DIPK1A: variants seen among roughly 807,000 people sequenced by gnomAD.
DIPK1A encodes the protein divergent protein kinase domain 1A.
In DIPK1A, 27 loss-of-function variants were observed where a neutral mutation model predicts 40.8. That is an observed-to-expected ratio of 0.66 (90% confidence interval 0.49 to 0.91). The LOEUF (loss-of-function observed/expected upper bound fraction) is 0.91. Among genes scored for constraint, DIPK1A ranks in the 40% least tolerant of loss-of-function variants. The pLI, the probability that DIPK1A is intolerant of heterozygous loss-of-function variation, is 0.00. For missense variants in DIPK1A, 412 were observed against 505.7 expected (o/e 0.81, Z 1.78); for synonymous variants, 166 against 171.3 (o/e 0.97, Z 0.24).
chr1:92,957,224 C>A (rs138792418), intron 1 of DIPK1A, among the ~76,000 whole-genome samples: 1 of 152,128 alleles, frequency 6.6e-6, no homozygotes, highest in Non-Finnish European at 1.5e-5. Flanking sequence ...TAAAAAAAGA[C>A]AAATGCAGGT....
chr1:92,832,988 C>T, exon 5 of DIPK1A: 1 of 733,954 alleles, frequency 1.4e-6, no homozygotes, highest in Non-Finnish European at 2.5e-6. Context: ...TGATTGCTGT[C>T]TGGAGCAGTG....
intron 2 of DIPK1A, among the ~76,000 whole-genome samples, chr1:92,858,285 T>C (rs1354188484): frequency 2.0e-5 from 3 of 152,202 alleles, no homozygotes; most frequent in Non-Finnish European, 2.9e-5. Context: ...ATAATCATCT[T>C]GGGAGTTTAT....
intron 1 of DIPK1A, among the ~76,000 whole-genome samples, chr1:92,926,373 A>G (rs775319744): frequency 4.6e-5 from 7 of 152,248 alleles, no homozygotes; most frequent in Non-Finnish European, 1.0e-4. Flanking sequence ...ATCAGAAAAC[A>G]TACTCTGTTA....
At chr1:92,906,870 A>G (rs1268363290) in intron 1 of DIPK1A, among the ~76,000 whole-genome samples, 1 of 152,208 alleles carries the variant, frequency 6.6e-6, no homozygotes, top group Admixed American at 6.5e-5. Context: ...ATCTTTAAAG[A>G]TTGTACCTCT....
chr1:92,922,142 C>T (rs890387090), intron 1 of DIPK1A, among the ~76,000 whole-genome samples: 2 of 151,804 alleles, frequency 1.3e-5, no homozygotes, highest in East Asian at 1.9e-4. Flanking sequence ...TTTTGGCTTT[C>T]GTTTCACTAT....
Position 92,836,300 on chromosome 1 carries a change from T to C in DIPK1A, c.475-3266A>G, listed in dbSNP as rs188046229. ...GTCAGCCAGGTGCCTTCACCTGCTA[T>C]TTGGATGCAGGCCTTGCCAGAACTA... On this transcript the variant is annotated intron_variant, in intron 4 of 4. Transcript: ENST00000615519. 24 of 1,614,154 alleles carry C rather than the reference T, an allele frequency of 1.5e-5. No homozygotes were observed. In the East Asian group the frequency reaches 4.9e-4, roughly 33 times the overall value.
At chr1:92,949,442 T>G (rs892234620) in intron 1 of DIPK1A, among the ~76,000 whole-genome samples, 3 of 151,652 alleles carry the variant, frequency 2.0e-5, no homozygotes, top group Non-Finnish European at 4.4e-5. Context: ...ACCTAGCTAA[T>G]TTTTTTGTAT....
intron 4 of DIPK1A, among the ~76,000 whole-genome samples, chr1:92,844,977 C>T (rs1158069767): frequency 8.4e-5 from 11 of 131,350 alleles, no homozygotes. Flanking sequence ...CGGAGTCTCG[C>T]TCTTTCGCCC....
chr1:92,885,377 A>AT (rs1221038354), intron 1 of DIPK1A, among the ~76,000 whole-genome samples: 42 of 149,358 alleles, frequency 2.8e-4, no homozygotes, highest in Middle Eastern at 3.4e-3. Context: ...TATCTAATTC[A>AT]TTTTTTTTTT....
intron 2 of DIPK1A, among the ~76,000 whole-genome samples, chr1:92,872,915 C>A (rs748761951): frequency 6.6e-6 from 1 of 152,186 alleles, no homozygotes; most frequent in Non-Finnish European, 1.5e-5. Flanking sequence ...TCTGCAGAGC[C>A]CCGGGAATTG....
intron 2 of DIPK1A, among the ~76,000 whole-genome samples, chr1:92,861,926 C>T (rs1172396379): frequency 3.3e-5 from 5 of 152,094 alleles, no homozygotes; most frequent in Non-Finnish European, 5.9e-5. Flanking sequence ...ACTATAGGCA[C>T]GCACTACCAC....
At chr1:92,952,157 G>A (rs1244513828) in intron 1 of DIPK1A, among the ~76,000 whole-genome samples, 3 of 151,392 alleles carry the variant, frequency 2.0e-5, no homozygotes, top group African/African-American at 7.3e-5. Context: ...TAGAGCCCAT[G>A]GATGCTGCTA....
At chr1:92,939,057 C>T (rs999650527) in intron 1 of DIPK1A, among the ~76,000 whole-genome samples, 5 of 152,038 alleles carry the variant, frequency 3.3e-5, no homozygotes, top group African/African-American at 7.2e-5. Context: ...CCCGCCACCA[C>T]GCCTGGCTAA....
At chr1:92,874,782 T>C (rs573609091) in intron 2 of DIPK1A, among the ~76,000 whole-genome samples, 64 of 152,266 alleles carry the variant, frequency 4.2e-4, no homozygotes, top group African/African-American at 1.5e-3. Flanking sequence ...ATGAGCTTCA[T>C]AGAGAGACAG....
At position 92,843,260 on chromosome 1, in the gene DIPK1A, C is replaced by T. The variant is rs1687445399; in HGVS notation, c.*123G>A. Reference sequence around the variant, plus strand: ...TTCAGTGATCACATACTGATGGCTTCTCAGGCCTGGGGGGAAGGAGTTTTG... The same window carrying T: ...TTCAGTGATCACATACTGATGGCTTTTCAGGCCTGGGGGGAAGGAGTTTTG... On this transcript the variant is annotated 3_prime_UTR_variant, in exon 5 of 5. Coordinates refer to ENST00000370310, the MANE Select transcript of DIPK1A (RefSeq NM_001006605.5). 6.9e-7 allele frequency: 1 copy of T among 1,445,162 alleles called. No homozygotes were observed. Among genetic ancestry groups the T allele is most frequent in the South Asian group, 1.5e-5 (1 of 64,540 alleles). The allele number at this position is 1,445,162 out of a possible 1,614,324, so 89.5% of individuals were successfully genotyped here.
chr1:92,873,991 T>C (rs976276970), intron 2 of DIPK1A, among the ~76,000 whole-genome samples: 3 of 152,214 alleles, frequency 2.0e-5, no homozygotes, highest in East Asian at 3.9e-4. Flanking sequence ...CTACTACTTA[T>C]GATAGGTTTT....
chr1:92,843,520 C>A lies in DIPK1A; in HGVS notation c.1150G>T (p.Glu384Ter). The A allele has an allele frequency of 6.4e-7, 1 of 1,551,970 alleles. No homozygotes were observed. Among genetic ancestry groups the A allele is most frequent in the Non-Finnish European group, 8.7e-7 (1 of 1,147,052 alleles). Residue 384 changes from glutamate (E) to a stop codon, truncating the protein, a stop_gained, in exon 5 of 5, where the codon GAA becomes TAA. Coordinates refer to ENST00000370310, the MANE Select transcript of DIPK1A (RefSeq NM_001006605.5). LOFTEE classifies it high-confidence loss of function. ...LLRGAPSEIR[E>*]ELEKQLYSCI... ...GAATAAAGCTGCTTTTCTAATTCTT[C>A]ACGAATTTCACTTGGAGCACCACGC... is the stretch of plus-strand genomic sequence containing the variant.
intron 4 of DIPK1A, chr1:92,836,633 G>T: frequency 1.9e-6 from 1 of 516,768 alleles, no homozygotes. Context: ...GAAAGAGATG[G>T]GATTGAAACC....
At chr1:92,934,764 AC>A (rs1263330716) in intron 1 of DIPK1A, among the ~76,000 whole-genome samples, 2 of 152,174 alleles carry the variant, frequency 1.3e-5, no homozygotes, top group Non-Finnish European at 2.9e-5. Context: ...TGTGCTCTGC[AC>A]CACAAAATTA....
Sources: allele counts gnomAD v4.1 joint callset (sites outside exome capture counted in the v4.1 genomes callset), GRCh38; gene constraint gnomAD v4.1.1; transcripts MANE v1.5; gene names NCBI Gene and HGNC (gene_info 2026-07-23, HGNC 2026-07-21).